Variants in NSUN6 observed in about 807,000 individuals in gnomAD.
NSUN6 encodes the protein NOP2/Sun RNA methyltransferase 6.
Under a neutral mutation model 58.0 loss-of-function variants are expected in NSUN6, and 64 were observed. That is an observed-to-expected ratio of 1.10 (90% confidence interval 0.90 to 1.36). The LOEUF (loss-of-function observed/expected upper bound fraction) is 1.36, where lower values mean the gene tolerates loss of function less well. Ranked by LOEUF, NSUN6 falls within the 40% of genes most tolerant of loss-of-function variation. NSUN6 has a pLI of 0.00. For missense variants in NSUN6, 701 were observed against 550.1 expected, an observed-to-expected ratio of 1.27 and a Z score of -2.74; for synonymous variants, 231 against 193.9, an observed-to-expected ratio of 1.19 and a Z score of -1.59.
chr10:18,548,041 C>A lies in NSUN6; in HGVS notation c.1197+71G>T. 2.1e-6 allele frequency: 3 copies of A among 1,452,444 alleles called. No individual in the cohort carries two copies. In the East Asian group the frequency reaches 7.0e-5, roughly 34 times the overall value. The allele number at this position is 1,452,444 out of a possible 1,614,324, so 90.0% of individuals were successfully genotyped here. A position where few individuals can be genotyped will look rare whatever the true frequency, so the allele number is the denominator to read the frequency against. On this transcript the variant is annotated intron_variant, in intron 10 of 10. Transcript: ENST00000377304. ...AGTTTTACTTATCTCTTCGTTAACA[C>A]CCTGATTACCACAGTGCTTCAGTTT... is the stretch of plus-strand genomic sequence containing the variant.
intron 2 of NSUN6, among the ~76,000 whole-genome samples, chr10:18,647,741 T>G (rs892663052): frequency 2.8e-5 from 4 of 143,754 alleles, no homozygotes; most frequent in Non-Finnish European, 4.5e-5. Flanking sequence ...TTTTTTTTTT[T>G]TTTTTTTTTT....
At chr10:18,607,885 G>A (rs1199811739) in intron 6 of NSUN6, among the ~76,000 whole-genome samples, 2 of 152,148 alleles carry the variant, frequency 1.3e-5, no homozygotes, top group Non-Finnish European at 2.9e-5. Flanking sequence ...ACTTTTCTAA[G>A]CCTCTATTTC....
At chr10:18,593,456 C>T (rs2057455699) in intron 7 of NSUN6, among the ~76,000 whole-genome samples, 1 of 152,102 alleles carries the variant, frequency 6.6e-6, no homozygotes, top group Non-Finnish European at 1.5e-5. Context: ...TGGAACCAAC[C>T]CAAATGCCCA....
At chr10:18,601,704 T>C (rs1480532064) in intron 6 of NSUN6, among the ~76,000 whole-genome samples, 1 of 152,128 alleles carries the variant, frequency 6.6e-6, no homozygotes, top group Non-Finnish European at 1.5e-5. Flanking sequence ...GAAATAAGGC[T>C]GGGTCTGGTG....
intron 8 of NSUN6, among the ~76,000 whole-genome samples, chr10:18,563,427 G>T (rs1424847706): frequency 6.7e-6 from 1 of 150,116 alleles, no homozygotes; most frequent in East Asian, 2.0e-4. Context: ...ATGGAGAATG[G>T]CAGGAATGGA....
chr10:18,645,537 C>T (rs188976746), intron 2 of NSUN6, among the ~76,000 whole-genome samples: 1 of 152,188 alleles, frequency 6.6e-6, no homozygotes, highest in South Asian at 2.1e-4. Flanking sequence ...TTAATCCATA[C>T]TGTAGCATGT....
chr10:18,600,240 A>G (rs1225170333), intron 6 of NSUN6, among the ~76,000 whole-genome samples: 1 of 152,156 alleles, frequency 6.6e-6, no homozygotes, highest in Non-Finnish European at 1.5e-5. Flanking sequence ...AAAACGAAAA[A>G]AAAACCCCAC....
intron 3 of NSUN6, among the ~76,000 whole-genome samples, chr10:18,629,576 G>A (rs1440343389): frequency 1.9e-4 from 24 of 128,920 alleles, no homozygotes; most frequent in East Asian, 3.0e-4. Context: ...CAAGCTAATG[G>A]AAAACAAAAA....
chr10:18,600,566 A>G (rs1419842473), intron 6 of NSUN6, among the ~76,000 whole-genome samples: 2 of 152,072 alleles, frequency 1.3e-5, no homozygotes, highest in Non-Finnish European at 2.9e-5. Context: ...TCAAGGCTGC[A>G]GTGAGCCATA....
intron 7 of NSUN6, among the ~76,000 whole-genome samples, chr10:18,590,369 T>G (rs2057333861): frequency 6.6e-6 from 1 of 152,180 alleles, no homozygotes. Context: ...TTAACAAGGA[T>G]ATTCAGGACA....
At chr10:18,565,131 C>T (rs2055830525) in intron 8 of NSUN6, among the ~76,000 whole-genome samples, 1 of 151,582 alleles carries the variant, frequency 6.6e-6, no homozygotes, top group African/African-American at 2.4e-5. Context: ...CCATTCTATT[C>T]CATTCTCCAT....
intron 8 of NSUN6, among the ~76,000 whole-genome samples, chr10:18,568,621 TTC>T (rs559693893): frequency 1.3e-5 from 2 of 150,988 alleles, no homozygotes; most frequent in African/African-American, 4.9e-5. Flanking sequence ...TTGCATTCCA[TTC>T]TCCATTCCAT....
intron 6 of NSUN6, among the ~76,000 whole-genome samples, chr10:18,608,134 C>A (rs528513005): frequency 2.8e-4 from 42 of 152,302 alleles, no homozygotes; most frequent in African/African-American, 9.6e-4. Flanking sequence ...AAGCTTCATT[C>A]TGGCAGGAAA....
chr10:18,559,969 A>G (rs1409928608), intron 8 of NSUN6, among the ~76,000 whole-genome samples: 1 of 150,888 alleles, frequency 6.6e-6, no homozygotes, highest in Non-Finnish European at 1.5e-5. Flanking sequence ...ATGGTTTGGA[A>G]TGGAATGGAG....
chr10:18,631,433 G>A (rs1590141277), intron 3 of NSUN6, among the ~76,000 whole-genome samples: 2 of 137,886 alleles, frequency 1.5e-5, no homozygotes, highest in African/African-American at 5.4e-5. Context: ...GAAATAAAGG[G>A]TATTCAATGA....
At chr10:18,646,593 C>T (rs962444001) in intron 2 of NSUN6, among the ~76,000 whole-genome samples, 2 of 152,106 alleles carry the variant, frequency 1.3e-5, no homozygotes, top group Non-Finnish European at 1.5e-5. Context: ...GCCTGTAATC[C>T]CAGCAGTTTG....
intron 6 of NSUN6, among the ~76,000 whole-genome samples, chr10:18,599,673 CCAGA>C (rs2131237826): frequency 6.6e-6 from 1 of 152,202 alleles, no homozygotes; most frequent in East Asian, 1.9e-4. Context: ...AGGCTCTAAC[CCAGA>C]CAAAGGAAGG....
chr10:18,601,647 C>T (rs2057843168), intron 6 of NSUN6, among the ~76,000 whole-genome samples: 1 of 152,080 alleles, frequency 6.6e-6, no homozygotes, highest in Non-Finnish European at 1.5e-5. Context: ...ACACTTTATT[C>T]CCCAAACCAG....
chr10:18,580,867 A>G (rs1020779392), intron 8 of NSUN6, among the ~76,000 whole-genome samples: 2 of 152,236 alleles, frequency 1.3e-5, no homozygotes, highest in African/African-American at 4.8e-5. Flanking sequence ...CAGGAGAAAG[A>G]GTTCGACCAA....
Sources: allele counts gnomAD v4.1 joint callset (sites outside exome capture counted in the v4.1 genomes callset), GRCh38; gene constraint gnomAD v4.1.1; transcripts MANE v1.5; gene names NCBI Gene and HGNC (gene_info 2026-07-23, HGNC 2026-07-21).